Variants in TENM3 observed in about 807,000 individuals in gnomAD.
TENM3 encodes teneurin transmembrane protein 3.
Under a neutral mutation model 255.1 loss-of-function variants are expected in TENM3, and 63 were observed. The observed-to-expected ratio is 0.25, with a 90% confidence interval of 0.20 to 0.30. The LOEUF (loss-of-function observed/expected upper bound fraction) is 0.30, where lower values mean the gene tolerates loss of function less well. TENM3 is among the 10% of genes least tolerant of loss of function. The probability of loss-of-function intolerance (pLI) is 1.00; values close to 1 mark genes in which losing one functional copy is unlikely to be tolerated. For synonymous variants in TENM3, 1,306 were observed against 1,322.3 expected (o/e 0.99, Z 0.27); for missense variants, 2,929 against 3,461.1 (o/e 0.85, Z 3.86).
At chr4:182,593,416 C>T (rs377143716) in intron 3 of TENM3, among the ~76,000 whole-genome samples, 41 of 152,324 alleles carry the variant, frequency 2.7e-4, no homozygotes, top group Admixed American at 2.3e-3. Context: ...TTTCTTCTTC[C>T]GTCCCTCCAT....
the TENM3 span, among the ~76,000 whole-genome samples, chr4:182,091,277 C>T: frequency 2.0e-5 from 3 of 152,154 alleles, no homozygotes; most frequent in Admixed American, 6.5e-5. Context: ...TTCCAATAAA[C>T]AATCCAATCA....
rs974687783 is a variant in TENM3, at chr4:182,601,032, C to T, written c.620C>T (p.Ser207Phe). The change falls in exon 4 of 28, where the codon TCC (serine) becomes TTC (phenylalanine). Residue 207 changes from serine to phenylalanine, a missense_variant. Physicochemically the swap from Ser to Phe is radical, Grantham distance 155. This residue lies in a region of TENM3 where 283 missense variants were observed against 256.9 expected (regional missense o/e 1.10). Transcript: ENST00000511685. The part of the protein sequence containing the change: ...HPSITSLNRN[S>F]LTNRRNQSPA... ...TCCATCACTTCTCTCAACAGAAACT[C>T]CCTGACCAATAGAAGGAACCAGAGT... The T allele has an allele frequency of 6.2e-7, 1 of 1,613,430 alleles. No homozygotes were observed. Among genetic ancestry groups the T allele is most frequent in the South Asian group, 1.1e-5 (1 of 91,050 alleles).
the TENM3 span, among the ~76,000 whole-genome samples, chr4:181,910,287 C>G: frequency 6.6e-6 from 1 of 151,842 alleles, no homozygotes; most frequent in Non-Finnish European, 1.5e-5. Context: ...TATATACAGG[C>G]CGGGTGCAGT....
intron 4 of TENM3, among the ~76,000 whole-genome samples, chr4:182,615,223 T>C (rs1341705470): frequency 6.6e-6 from 1 of 151,766 alleles, no homozygotes; most frequent in African/African-American, 2.4e-5. Flanking sequence ...TGATTAGAAG[T>C]AGCTCTTTTT....
chr4:181,466,545 TTATAA>T, the TENM3 span, among the ~76,000 whole-genome samples: 2 of 152,158 alleles, frequency 1.3e-5, no homozygotes, highest in Non-Finnish European at 2.9e-5. Context: ...GAATCCATTA[TTATAA>T]TATAAGAAAC....
chr4:182,098,285 A>G, the TENM3 span, among the ~76,000 whole-genome samples: 1,542 of 152,322 alleles, frequency 0.01, 32 homozygotes, highest in African/African-American at 0.035. Context: ...AGGTTCCTCA[A>G]AAATCTAAAC....
the TENM3 span, among the ~76,000 whole-genome samples, chr4:181,776,456 T>C: frequency 7.9e-5 from 12 of 152,148 alleles, no homozygotes; most frequent in South Asian, 6.2e-4. Context: ...TGCTGAGTCA[T>C]GTGGTAGTTC....
At chr4:181,540,426 C>A in the TENM3 span, among the ~76,000 whole-genome samples, 1 of 152,090 alleles carries the variant, frequency 6.6e-6, no homozygotes, top group Non-Finnish European at 1.5e-5. Flanking sequence ...ATGCCCCACT[C>A]CTTAAGTGCG....
chr4:182,305,452 G>A (rs1338933038), intron 1 of TENM3, among the ~76,000 whole-genome samples: 1 of 152,190 alleles, frequency 6.6e-6, no homozygotes, highest in African/African-American at 2.4e-5. Context: ...TGGAGGATTT[G>A]TTGAACAAGA....
the TENM3 span, among the ~76,000 whole-genome samples, chr4:182,074,003 T>C: frequency 6.6e-6 from 1 of 152,230 alleles, no homozygotes; most frequent in Non-Finnish European, 1.5e-5. Flanking sequence ...GATTTTCCTC[T>C]GAATTTTCGA....
chr4:182,521,392 G>C (rs1402362605), intron 3 of TENM3, among the ~76,000 whole-genome samples: 3 of 152,154 alleles, frequency 2.0e-5, no homozygotes, highest in Non-Finnish European at 4.4e-5. Flanking sequence ...AGATGAAAAG[G>C]ATTGTACAGT....
the TENM3 span, among the ~76,000 whole-genome samples, chr4:182,138,926 G>A: frequency 4.6e-5 from 7 of 152,304 alleles, no homozygotes; most frequent in East Asian, 9.6e-4. Context: ...CAGAGAAGTA[G>A]AACAGTGTAC....
chr4:181,589,266 G>A, the TENM3 span, among the ~76,000 whole-genome samples: 7 of 152,076 alleles, frequency 4.6e-5, no homozygotes, highest in African/African-American at 1.7e-4. Flanking sequence ...AAACACATAC[G>A]TTTTTATTTT....
rs1270121513 is a variant in TENM3, at chr4:182,517,535, T to C, written c.512-83389T>C. ...AGTAGCTGGGACTACAGGCGCCCGC[T>C]ACCACGCCCGGCTAATTTTTTGTAT... On this transcript the variant is annotated intron_variant, in intron 3 of 27. Transcript: ENST00000511685. Among the ~76,000 whole-genome samples, 13 of 145,408 alleles carry C rather than the reference T, an allele frequency of 8.9e-5. 2 individuals carry two copies. The highest frequency in any genetic ancestry group is 2.2e-4 in the South Asian group (1 of 4,594).
chr4:182,178,699 A>T (rs1752667226), intron 1 of TENM3, among the ~76,000 whole-genome samples: 2 of 152,070 alleles, frequency 1.3e-5, no homozygotes, highest in African/African-American at 4.8e-5. Context: ...AAAAAAATAA[A>T]ACAACTCCAT....
the TENM3 span, among the ~76,000 whole-genome samples, chr4:181,800,529 A>G: frequency 3.9e-5 from 6 of 152,174 alleles, no homozygotes; most frequent in Non-Finnish European, 7.4e-5. Context: ...GCTACTCAGG[A>G]GGCTGAGGTG....
chr4:182,487,290 G>A lies in TENM3; in HGVS notation c.512-113634G>A, dbSNP rs193127972. Among the ~76,000 whole-genome samples the A allele has an allele frequency of 1.7e-4, 26 of 152,218 alleles. No homozygotes were observed. In the East Asian group the frequency reaches 4.6e-3, roughly 27 times the overall value. On this transcript the variant is annotated intron_variant, in intron 3 of 27. Coordinates refer to ENST00000511685, the MANE Select transcript of TENM3 (RefSeq NM_001080477.4). Reference sequence around the variant, plus strand: ...GCCCGGGATGAAGTGTGAAACTGGTGATTATTATGGTTACTATTATTTTGT... The same window carrying A: ...GCCCGGGATGAAGTGTGAAACTGGTAATTATTATGGTTACTATTATTTTGT...
chr4:182,089,106 T>G, the TENM3 span, among the ~76,000 whole-genome samples: 1 of 152,136 alleles, frequency 6.6e-6, no homozygotes, highest in African/African-American at 2.4e-5. Context: ...CACCAGACCC[T>G]GAATCAATGG....
At chr4:181,466,575 AAAG>A in the TENM3 span, among the ~76,000 whole-genome samples, 1 of 152,188 alleles carries the variant, frequency 6.6e-6, no homozygotes, top group Admixed American at 6.6e-5. Context: ...TGGAAGGTAG[AAAG>A]AAGAACACAT....
Sources: gnomAD v4.1 joint callset for allele counts (sites outside exome capture counted in the v4.1 genomes callset) on GRCh38, gnomAD v4.1.1 for gene constraint, gnomAD v4.1.1 regional missense constraint, MANE v1.5 for transcripts, NCBI Gene and HGNC (gene_info 2026-07-23, HGNC 2026-07-21) for gene names.